The following DRC2 variants were observed in gnomAD, a reference collection of about 807,000 sequenced individuals.
The protein encoded by DRC2 is dynein regulatory complex subunit 2.
At chr12:48,906,990 C>T in the DRC2 span, among the ~76,000 whole-genome samples, 2 of 151,602 alleles carry the variant, frequency 1.3e-5, no homozygotes, top group Admixed American at 6.6e-5. Context: ...CTGAGGCAGG[C>T]GGATCACGAG....
chr12:48,911,888 ATTCT>A, the DRC2 span, among the ~76,000 whole-genome samples: 1 of 151,890 alleles, frequency 6.6e-6, no homozygotes, highest in South Asian at 2.1e-4. Flanking sequence ...TAAATGCTTG[ATTCT>A]TTCTCTTGCC....
the DRC2 span, among the ~76,000 whole-genome samples, chr12:48,911,206 C>T: frequency 6.6e-6 from 1 of 152,060 alleles, no homozygotes; most frequent in Admixed American, 6.6e-5. Flanking sequence ...GCTGTTGATC[C>T]ATTAAATCAT....
chr12:48,912,875 C>T, the DRC2 span, among the ~76,000 whole-genome samples: 16 of 151,772 alleles, frequency 1.1e-4, no homozygotes, highest in Admixed American at 2.6e-4. Flanking sequence ...CGGTGGCTCA[C>T]GCCCATAATC....
chr12:48,918,260 G>T, the DRC2 span: 1 of 1,612,630 alleles, frequency 6.2e-7, no homozygotes, highest in South Asian at 1.1e-5. Context: ...TTGCTATTTT[G>T]GGGTCACTTG....
chr12:48,921,207 A>G, the DRC2 span: 15 of 1,614,040 alleles, frequency 9.3e-6, no homozygotes, highest in African/African-American at 1.3e-5. Flanking sequence ...TTTCTGGAAA[A>G]GGTACAACAA....
chr12:48,920,845 C>T, the DRC2 span: 1 of 1,346,820 alleles, frequency 7.4e-7, no homozygotes, highest in Non-Finnish European at 1.0e-6. Context: ...GAGTAGCTTC[C>T]CTGGGTTCAA....
the DRC2 span, among the ~76,000 whole-genome samples, chr12:48,917,370 A>T: frequency 6.7e-6 from 1 of 149,562 alleles, no homozygotes; most frequent in Non-Finnish European, 1.5e-5. Flanking sequence ...AGGCTGAGGT[A>T]GGATGATCGC....
chr12:48,906,050 C>T, the DRC2 span, among the ~76,000 whole-genome samples: 2 of 152,222 alleles, frequency 1.3e-5, no homozygotes, highest in Admixed American at 6.5e-5. Flanking sequence ...GGATTACAGG[C>T]GTGAGCCACT....
chr12:48,920,441 T>TTTAAAAA, the DRC2 span, among the ~76,000 whole-genome samples: 315 of 67,802 alleles, frequency 4.6e-3, 22 homozygotes, highest in East Asian at 0.014. Flanking sequence ...AACTCCATCT[T>TTTAAAAA]AAAAAAAAAA....
the DRC2 span, among the ~76,000 whole-genome samples, chr12:48,914,770 C>A: frequency 6.6e-6 from 1 of 152,316 alleles, no homozygotes; most frequent in East Asian, 1.9e-4. Context: ...TCCCTTTACT[C>A]ACGTCAGGTC....
the DRC2 span, chr12:48,904,517 C>A: frequency 1.9e-6 from 3 of 1,578,472 alleles, no homozygotes; most frequent in South Asian, 2.3e-5. Flanking sequence ...CACCCCCTGC[C>A]CTGGCCCTGT....
chr12:48,904,190 TC>T, the DRC2 span: 1 of 1,042,444 alleles, frequency 9.6e-7, no homozygotes, highest in Non-Finnish European at 1.4e-6. Flanking sequence ...TCTCTCCTGT[TC>T]GAGGGCTGAG....
At chr12:48,917,123 T>C in the DRC2 span, 5 of 1,610,962 alleles carry the variant, frequency 3.1e-6, no homozygotes, top group Non-Finnish European at 4.2e-6. Flanking sequence ...GGAGGGAGAG[T>C]AGATAGGCAA....
chr12:48,915,773 G>T, the DRC2 span, among the ~76,000 whole-genome samples: 12 of 150,936 alleles, frequency 8.0e-5, no homozygotes, highest in African/African-American at 2.4e-4. Context: ...TGGCCGGGCG[G>T]GGGGCTGACC....
chr12:48,914,310 T>G, the DRC2 span: 1 of 1,278,874 alleles, frequency 7.8e-7, no homozygotes, highest in Non-Finnish European at 1.1e-6. Flanking sequence ...GAATTGGCAT[T>G]AGGAACAAAG....
At chr12:48,917,761 G>A in the DRC2 span, among the ~76,000 whole-genome samples, 2 of 152,186 alleles carry the variant, frequency 1.3e-5, no homozygotes, top group Non-Finnish European at 2.9e-5. Context: ...CTGGTTTGTG[G>A]TAGAATCAGG....
At chr12:48,921,234 C>G in the DRC2 span, 7 of 1,614,192 alleles carry the variant, frequency 4.3e-6, no homozygotes, top group Non-Finnish European at 5.9e-6. Context: ...ACTGGAGCAA[C>G]TGAGCCTCCA....
chr12:48,915,859 C>A, the DRC2 span, among the ~76,000 whole-genome samples: 2 of 151,366 alleles, frequency 1.3e-5, no homozygotes, highest in Non-Finnish European at 2.9e-5. Flanking sequence ...AGCTGCCGGG[C>A]GGAGGGTCTC....
chr12:48,916,492 C>T, the DRC2 span, among the ~76,000 whole-genome samples: 2 of 152,208 alleles, frequency 1.3e-5, no homozygotes, highest in Non-Finnish European at 1.5e-5. Flanking sequence ...CGCAGGCACT[C>T]GGCAGGCTGA....
Sources: gnomAD v4.1 joint callset for allele counts (sites outside exome capture counted in the v4.1 genomes callset) on GRCh38, gnomAD v4.1.1 for gene constraint, MANE v1.5 for transcripts, NCBI Gene and HGNC (gene_info 2026-07-23, HGNC 2026-07-21) for gene names.